NLGN1: variants seen among roughly 807,000 people sequenced by gnomAD.
The protein encoded by NLGN1 is neuroligin-1.
Under a neutral mutation model 65.5 loss-of-function variants are expected in NLGN1, and 12 were observed. The observed-to-expected ratio is 0.18, with a 90% CI of 0.12 to 0.30. The LOEUF (loss-of-function observed/expected upper bound fraction) is 0.30, where lower values mean the gene tolerates loss of function less well. Ranked by LOEUF, NLGN1 falls within the 10% of genes least tolerant of loss-of-function variation. The pLI, the probability that NLGN1 is intolerant of heterozygous loss-of-function variation, is 1.00. For missense variants in NLGN1, 750 were observed against 1,007.1 expected (o/e 0.74, Z 3.46); for synonymous variants, 350 against 359.5 (o/e 0.97, Z 0.30).
At chr3:173,701,241 T>C (rs1180715443) in intron 3 of NLGN1, among the ~76,000 whole-genome samples, 1 of 152,202 alleles carries the variant, frequency 6.6e-6, no homozygotes, top group Non-Finnish European at 1.5e-5. Flanking sequence ...TGTGAACATA[T>C]TAGCCTGCAT....
chr3:173,685,577 A>G (rs1264426836), intron 3 of NLGN1: 1 of 893,804 alleles, frequency 1.1e-6, no homozygotes, highest in Non-Finnish European at 1.3e-6. Flanking sequence ...AAATCCCAGG[A>G]AAAGAGGTTA....
At chr3:173,752,223 T>TA (rs1459191416) in intron 3 of NLGN1, among the ~76,000 whole-genome samples, 24 of 152,158 alleles carry the variant, frequency 1.6e-4, no homozygotes, top group Non-Finnish European at 8.8e-5. Flanking sequence ...ACTGGTATCT[T>TA]AAAAATATAG....
intron 3 of NLGN1, among the ~76,000 whole-genome samples, chr3:173,723,618 A>G (rs1771239065): frequency 6.6e-6 from 1 of 152,192 alleles, no homozygotes; most frequent in African/African-American, 2.4e-5. Context: ...TATAACTGCC[A>G]CCTGGTTCAC....
chr3:174,054,536 T>C (rs916375960), intron 4 of NLGN1, among the ~76,000 whole-genome samples: 1 of 151,978 alleles, frequency 6.6e-6, no homozygotes, highest in Non-Finnish European at 1.5e-5. Flanking sequence ...CCCTCCTCCC[T>C]AAGCTTTAGG....
chr3:173,979,892 T>C (rs1468484079), intron 4 of NLGN1, among the ~76,000 whole-genome samples: 1 of 152,094 alleles, frequency 6.6e-6, no homozygotes, highest in East Asian at 1.9e-4. Context: ...GTTCAATGGA[T>C]TGTGGTAAAA....
intron 4 of NLGN1, among the ~76,000 whole-genome samples, chr3:173,969,920 A>G (rs1311955244): frequency 6.6e-6 from 1 of 152,030 alleles, no homozygotes; most frequent in African/African-American, 2.4e-5. Flanking sequence ...GCTTAAAAAA[A>G]AAAAAGATCT....
chr3:173,703,436 T>C (rs1767563692), intron 3 of NLGN1, among the ~76,000 whole-genome samples: 1 of 152,216 alleles, frequency 6.6e-6, no homozygotes, highest in East Asian at 1.9e-4. Context: ...ACACTGGCTT[T>C]ATTTACTGCT....
intron 3 of NLGN1, among the ~76,000 whole-genome samples, chr3:173,621,727 G>C (rs1415173042): frequency 3.9e-5 from 6 of 152,076 alleles, no homozygotes; most frequent in Non-Finnish European, 7.4e-5. Flanking sequence ...GACTGCATAT[G>C]GGGGTGGACA....
intron 3 of NLGN1, among the ~76,000 whole-genome samples, chr3:173,671,970 C>G (rs540888059): frequency 6.6e-6 from 1 of 151,448 alleles, no homozygotes; most frequent in Non-Finnish European, 1.5e-5. Context: ...GTCAGGAGAT[C>G]GAGACCATCC....
At chr3:173,486,385 G>A (rs937587444) in intron 2 of NLGN1, among the ~76,000 whole-genome samples, 2 of 152,138 alleles carry the variant, frequency 1.3e-5, no homozygotes, top group South Asian at 2.1e-4. Context: ...AATGTTCACC[G>A]ATATTTTGAG....
At chr3:173,867,260 G>A (rs182903345) in intron 4 of NLGN1, among the ~76,000 whole-genome samples, 1 of 152,256 alleles carries the variant, frequency 6.6e-6, no homozygotes, top group Admixed American at 6.5e-5. Context: ...AGCAAGAAAT[G>A]TGTTCCCTGT....
At chr3:173,868,936 G>T (rs1730687069) in intron 4 of NLGN1, among the ~76,000 whole-genome samples, 1 of 151,998 alleles carries the variant, frequency 6.6e-6, no homozygotes, top group South Asian at 2.1e-4. Flanking sequence ...AGAAATAAAA[G>T]GAAAACCTTG....
chr3:173,649,001 C>A (rs975986240), intron 3 of NLGN1, among the ~76,000 whole-genome samples: 1 of 152,062 alleles, frequency 6.6e-6, no homozygotes, highest in Non-Finnish European at 1.5e-5. Flanking sequence ...AAACCCAAAA[C>A]AACCTAAATA....
chr3:174,257,861 T>C (rs1357131035), intron 4 of NLGN1, among the ~76,000 whole-genome samples: 1 of 151,264 alleles, frequency 6.6e-6, no homozygotes, highest in Non-Finnish European at 1.5e-5. Flanking sequence ...GGATACAAAG[T>C]ATTGATCCTG....
intron 3 of NLGN1, among the ~76,000 whole-genome samples, chr3:173,665,209 G>A (rs1761527055): frequency 6.6e-6 from 1 of 152,060 alleles, no homozygotes; most frequent in Admixed American, 6.6e-5. Context: ...TGTGAGTGTG[G>A]TTCCTCCAAG....
intron 4 of NLGN1, among the ~76,000 whole-genome samples, chr3:173,870,231 ATC>A (rs1162797659): frequency 5.3e-5 from 8 of 152,126 alleles, no homozygotes; most frequent in South Asian, 2.1e-4. Flanking sequence ...ATTGTTTAAA[ATC>A]TCTGTTTTAA....
At chr3:173,432,212 C>T (rs909826553) in intron 1 of NLGN1, among the ~76,000 whole-genome samples, 8 of 152,146 alleles carry the variant, frequency 5.3e-5, no homozygotes, top group Admixed American at 4.6e-4. Context: ...TCTATATGGA[C>T]GTAAGTTTTC....
At chr3:173,918,010 G>A (rs150534321) in intron 4 of NLGN1, among the ~76,000 whole-genome samples, 167 of 152,212 alleles carry the variant, frequency 1.1e-3, no homozygotes, top group African/African-American at 3.9e-3. Context: ...TAAAACTGCA[G>A]TAAGAACACG....
At chr3:173,806,533 G>A (rs1490564525) in intron 3 of NLGN1, among the ~76,000 whole-genome samples, 1 of 151,862 alleles carries the variant, frequency 6.6e-6, no homozygotes, top group African/African-American at 2.4e-5. Context: ...TTCAATTGTG[G>A]GTATAAGAGA....
Sources: allele counts gnomAD v4.1 joint callset (sites outside exome capture counted in the v4.1 genomes callset), GRCh38; gene constraint gnomAD v4.1.1; transcripts MANE v1.5; gene names NCBI Gene and HGNC (gene_info 2026-07-23, HGNC 2026-07-21).